Variants in TJP2 observed in about 807,000 individuals in gnomAD.
TJP2 encodes the protein tight junction protein 2.
TJP2 carries 91 observed loss-of-function variants against 133.1 expected under a neutral mutation model. The observed-to-expected ratio is 0.68, with a 90% CI of 0.58 to 0.81. The LOEUF (loss-of-function observed/expected upper bound fraction) is 0.81. Ranked by LOEUF, TJP2 falls within the 40% of genes least tolerant of loss-of-function variation. The probability of loss-of-function intolerance (pLI) is 0.00; values close to 1 mark genes in which losing one functional copy is unlikely to be tolerated. For synonymous variants in TJP2, 592 were observed against 583.4 expected, an observed-to-expected ratio of 1.01 and a Z score of -0.21; for missense variants, 1,541 against 1,565.6, an observed-to-expected ratio of 0.98 and a Z score of 0.26.
intron 21 of TJP2, 51 bp downstream of exon 21, chr9:69,251,415 AT>A: frequency 6.4e-7 from 1 of 1,572,938 alleles, no homozygotes; most frequent in Non-Finnish European, 8.6e-7. Context: ...AATAAGTTTG[AT>A]TTCAACATAA....
At chr9:69,214,866 C>CAAAAA (rs10672826) in intron 2 of TJP2, among the ~76,000 whole-genome samples, 4 of 135,794 alleles carry the variant, frequency 2.9e-5, no homozygotes, top group Non-Finnish European at 6.2e-5. Context: ...GACTCCATCT[C>CAAAAA]AAAAAAAAAA....
intron 1 of TJP2, among the ~76,000 whole-genome samples, chr9:69,190,431 T>G (rs1340142063): frequency 6.6e-6 from 1 of 152,220 alleles, no homozygotes; most frequent in Non-Finnish European, 1.5e-5. Flanking sequence ...TAGGTAAAAA[T>G]ATAACCAGAG....
At chr9:69,197,738 A>T (rs1026948479) in intron 1 of TJP2, among the ~76,000 whole-genome samples, 1 of 152,218 alleles carries the variant, frequency 6.6e-6, no homozygotes, top group Non-Finnish European at 1.5e-5. Flanking sequence ...TTTTGCAGAT[A>T]GGCAACCAAG....
intron 1 of TJP2, among the ~76,000 whole-genome samples, chr9:69,193,177 A>G (rs1414497534): frequency 6.6e-6 from 1 of 152,094 alleles, no homozygotes; most frequent in Non-Finnish European, 1.5e-5. Context: ...TGGCCTCCCA[A>G]AGTGCTGGGA....
At chr9:69,226,259 G>A in intron 7 of TJP2, 84 bp downstream of exon 7, 1 of 1,497,224 alleles carries the variant, frequency 6.7e-7, no homozygotes, top group African/African-American at 1.4e-5. Flanking sequence ...TAGCTATCCA[G>A]CTGGAAGTTA....
chr9:69,145,888 A>G (rs1823191249), intron 1 of TJP2: 31 of 1,018,114 alleles, frequency 3.0e-5, no homozygotes, highest in Non-Finnish European at 3.9e-5. Flanking sequence ...GGGGACCCAT[A>G]TAGAAAAAAG....
At chr9:69,135,625 G>C (rs962251780) in intron 1 of TJP2, among the ~76,000 whole-genome samples, 6 of 145,804 alleles carry the variant, frequency 4.1e-5, no homozygotes, top group Admixed American at 6.9e-5. Flanking sequence ...TTTTTCTTTT[G>C]AGACGGAGTT....
At chr9:69,134,036 G>T (rs1452945933) in intron 1 of TJP2, among the ~76,000 whole-genome samples, 1 of 152,044 alleles carries the variant, frequency 6.6e-6, no homozygotes, top group African/African-American at 2.4e-5. Context: ...GTCCTACCCT[G>T]GTTCCATGGT....
intron 1 of TJP2, among the ~76,000 whole-genome samples, chr9:69,207,005 A>G (rs758391292): frequency 9.9e-5 from 15 of 152,194 alleles, no homozygotes; most frequent in Admixed American, 9.8e-4. Context: ...CATCACCAAG[A>G]CAAAACACGA....
intron 1 of TJP2, among the ~76,000 whole-genome samples, chr9:69,148,125 C>T (rs923165127): frequency 1.6e-4 from 24 of 151,884 alleles, no homozygotes; most frequent in African/African-American, 4.1e-4. Flanking sequence ...GGTTTCTCCA[C>T]GTTGGTCAGG....
chr9:69,207,498 A>G (rs1332798386), intron 1 of TJP2, among the ~76,000 whole-genome samples: 1 of 152,200 alleles, frequency 6.6e-6, no homozygotes, highest in African/African-American at 2.4e-5. Context: ...TGTTGGGAAC[A>G]TTGCTGCTGT....
At chr9:69,137,295 C>CTTTCTTTCTTTTCT (rs1554768456) in intron 1 of TJP2, among the ~76,000 whole-genome samples, 1 of 69,444 alleles carries the variant, frequency 1.4e-5, no homozygotes, top group Non-Finnish European at 2.9e-5. Context: ...TTCTTTCTTT[C>CTTTCTTTCTTTTCT]TTTCTTTTCT....
At chr9:69,236,369 T>C (rs1830191871) in intron 13 of TJP2, 131 bp downstream of exon 13, 1 of 927,210 alleles carries the variant, frequency 1.1e-6, no homozygotes, top group African/African-American at 1.7e-5. Flanking sequence ...CTATTTCTTG[T>C]TTATGGAGAG....
At chr9:69,196,946 T>TACACACACGCACAC (rs1826613708) in intron 1 of TJP2, among the ~76,000 whole-genome samples, 1 of 134,170 alleles carries the variant, frequency 7.5e-6, no homozygotes, top group Admixed American at 7.4e-5. Context: ...TGTGTGTGTG[T>TACACACACGCACAC]ACACACACAC....
chr9:69,200,939 TC>T, intron 1 of TJP2, among the ~76,000 whole-genome samples: 1 of 152,204 alleles, frequency 6.6e-6, no homozygotes, highest in Non-Finnish European at 1.5e-5. Context: ...GTCTGCTTTC[TC>T]TGCTAAAATC....
chr9:69,140,153 C>A (rs1216248840), intron 1 of TJP2, among the ~76,000 whole-genome samples: 4 of 152,192 alleles, frequency 2.6e-5, no homozygotes, highest in African/African-American at 9.7e-5. Context: ...ACACCAAACC[C>A]AGTCTGGGGA....
At position 69,254,619 on chromosome 9, in the gene TJP2, G is replaced by T. The variant is rs1380989905; in HGVS notation, c.*245G>T. 3.3e-6 allele frequency: 2 copies of T among 603,320 alleles called. No individual in the cohort carries two copies. The highest frequency in any genetic ancestry group is 5.8e-5 in the Admixed American group (2 of 34,666). The allele number at this position is 603,320 out of a possible 1,614,324, so 37.4% of individuals were successfully genotyped here. A position where few individuals can be genotyped will look rare whatever the true frequency, so the allele number is the denominator to read the frequency against. On this transcript the variant is annotated 3_prime_UTR_variant, in exon 23 of 23. Transcript: ENST00000377245. ...GTTCAGAATTAAGCAGAACACTGCA[G>T]TCAGATCCTGTTACTTGCTTCAGTG...
At chr9:69,198,205 T>A (rs3002383) in intron 1 of TJP2, among the ~76,000 whole-genome samples, 5 of 148,730 alleles carry the variant, frequency 3.4e-5, no homozygotes, top group Non-Finnish European at 5.9e-5. Context: ...GCAGTGACAC[T>A]ATCTCAGCTC....
chr9:69,242,978 C>T (rs1169486266), intron 17 of TJP2, among the ~76,000 whole-genome samples: 2 of 152,200 alleles, frequency 1.3e-5, no homozygotes, highest in African/African-American at 2.4e-5. Context: ...ACCTTCCCTC[C>T]TCAGCCTCCC....
Sources: allele counts gnomAD v4.1 joint callset (sites outside exome capture counted in the v4.1 genomes callset), GRCh38; gene constraint gnomAD v4.1.1; transcripts MANE v1.5; gene names NCBI Gene and HGNC (gene_info 2026-07-23, HGNC 2026-07-21).